SIDT1: variants seen among roughly 807,000 people sequenced by gnomAD.
The protein encoded by SIDT1 is SID1 transmembrane family, member 1.
In SIDT1, 101 loss-of-function variants were observed where a neutral mutation model predicts 107.5. That is an observed-to-expected ratio of 0.94 (90% CI 0.80 to 1.11). The LOEUF is 1.11. Ranked by LOEUF, SIDT1 falls within the 50% of genes least tolerant of loss-of-function variation. The probability of loss-of-function intolerance (pLI) is 0.00; values close to 1 mark genes in which losing one functional copy is unlikely to be tolerated. For missense variants in SIDT1, 1,076 were observed against 1,058.2 expected, an observed-to-expected ratio of 1.02 and a Z score of -0.23; for synonymous variants, 395 against 398.2, an observed-to-expected ratio of 0.99 and a Z score of 0.10.
At chr3:113,619,153 C>T (rs1324031934) in intron 20 of SIDT1, among the ~76,000 whole-genome samples, 1 of 152,114 alleles carries the variant, frequency 6.6e-6, no homozygotes, top group East Asian at 1.9e-4. Flanking sequence ...ACCTTTTCTC[C>T]CTATTTTCTC....
rs906835953 is a variant in SIDT1, at chr3:113,584,911, C to T, written c.907+142C>T. 1.5e-5 allele frequency: 10 copies of T among 682,660 alleles called. No individual in the cohort carries two copies. In the Admixed American group the frequency reaches 3.2e-4, roughly 22 times the overall value. 42.3% of individuals were successfully genotyped at this position (682,660 alleles called of 1,614,324 possible). On this transcript the variant is annotated intron_variant, in intron 8 of 24. Transcript: ENST00000264852. ...TTACCTTAGAAATAGAAAAGGGAGT[C>T]AGAGCATTTTGTTAAATCCCTCCTA... is the stretch of plus-strand genomic sequence containing the variant.
intron 1 of SIDT1, 110 bp from the exon 2 acceptor site, chr3:113,566,310 C>A: frequency 1.8e-6 from 2 of 1,108,898 alleles, no homozygotes; most frequent in South Asian, 1.6e-5. Context: ...CCTCACATGG[C>A]AACTATGGTG....
chr3:113,595,237 CG>C (rs1944457555), intron 10 of SIDT1, among the ~76,000 whole-genome samples: 1 of 152,020 alleles, frequency 6.6e-6, no homozygotes, highest in African/African-American at 2.4e-5. Context: ...CCTTCACTTC[CG>C]TGCACTAGAT....
intron 10 of SIDT1, chr3:113,595,058 T>C (rs1186174697): frequency 6.5e-6 from 1 of 154,112 alleles, no homozygotes; most frequent in Non-Finnish European, 1.5e-5. Flanking sequence ...AACCAGTCAC[T>C]GCAAAGAACA....
At chr3:113,533,584 C>T (rs1044137635) in intron 1 of SIDT1, among the ~76,000 whole-genome samples, 1 of 152,158 alleles carries the variant, frequency 6.6e-6, no homozygotes, top group African/African-American at 2.4e-5. Context: ...GTGTGGAGTG[C>T]GAAGAAGAAC....
In SIDT1 at chr3:113,532,994, G is replaced by T. The variant is rs1393905241; in HGVS notation, c.-28G>T. The stretch of plus-strand genomic sequence containing the variant: ...CTCGCCCCCTCCCCAGGGTGGCTCC[G>T]CTTTCGAGCCCGGGCGCGGTGCCCA... On this transcript the variant is annotated 5_prime_UTR_variant, in exon 1 of 25. Transcript: ENST00000264852. 1 of 1,334,582 alleles carries T rather than the reference G, an allele frequency of 7.5e-7. No homozygotes were observed. Among genetic ancestry groups the T allele is most frequent in the Non-Finnish European group, 9.6e-7 (1 of 1,045,666 alleles). The allele number at this position is 1,334,582 out of a possible 1,614,324, so 82.7% of individuals were successfully genotyped here.
At position 113,628,783 on chromosome 3, in the gene SIDT1, G is replaced by C. The variant is rs952572378; in HGVS notation, c.*1075G>C. The C allele has an allele frequency of 6.6e-6, 1 of 152,258 alleles. No individual in the cohort carries two copies. The highest frequency in any genetic ancestry group is 6.5e-5 in the Admixed American group (1 of 15,288). 9.4% of individuals were successfully genotyped at this position (152,258 alleles called of 1,614,324 possible). ...TCACTTTATGTAGATCAGGGTTCTA[G>C]ACTTCTTCCCTGAGGTTCTCAGAAG... On this transcript the variant is annotated 3_prime_UTR_variant, in exon 25 of 25. Coordinates refer to ENST00000264852, the MANE Select transcript of SIDT1 (RefSeq NM_017699.3).
Position 113,607,151 on chromosome 3 carries a change from G to A in SIDT1, c.1478+37G>A, listed in dbSNP as rs757699586. On this transcript the variant is annotated intron_variant, in intron 15 of 24. Transcript: ENST00000264852. ...CCTCTGGTTGCCCATGAGGCATTTA[G>A]AGATGCCTTTCTGTCTAATGTTGTG... 19 of 1,308,058 alleles carry A rather than the reference G, an allele frequency of 1.5e-5. 1 individual carries two copies. The Admixed American group carries it at 2.8e-4, about 19-fold the overall frequency. The allele number at this position is 1,308,058 out of a possible 1,614,324, so 81.0% of individuals were successfully genotyped here.
intron 21 of SIDT1, among the ~76,000 whole-genome samples, chr3:113,623,172 G>A (rs900569247): frequency 8.3e-6 from 1 of 121,088 alleles, no homozygotes; most frequent in East Asian, 2.4e-4. Flanking sequence ...GCCTGAGTGA[G>A]GGAATGAGAC....
intron 1 of SIDT1, among the ~76,000 whole-genome samples, chr3:113,553,644 G>T (rs142812489): frequency 1.3e-5 from 2 of 152,348 alleles, no homozygotes; most frequent in African/African-American, 4.8e-5. Flanking sequence ...CACAGAAGAT[G>T]AGCACATTCA....
chr3:113,550,429 G>A (rs534544438), intron 1 of SIDT1, among the ~76,000 whole-genome samples: 11 of 152,282 alleles, frequency 7.2e-5, no homozygotes, highest in East Asian at 5.8e-4. Context: ...TTTTTCTATA[G>A]AGTTCCAGTG....
At chr3:113,558,878 A>G (rs546984070) in intron 1 of SIDT1, among the ~76,000 whole-genome samples, 3 of 152,226 alleles carry the variant, frequency 2.0e-5, no homozygotes, top group Non-Finnish European at 4.4e-5. Flanking sequence ...TTTACTGAAG[A>G]TGTACAAATA....
At chr3:113,614,921 G>A (rs2107753633) in intron 19 of SIDT1, 1 of 773,916 alleles carries the variant, frequency 1.3e-6, no homozygotes, top group Admixed American at 2.3e-5. Context: ...TGACAAGTAA[G>A]CATTACTTTT....
chr3:113,611,213 A>G (rs1945714430), intron 18 of SIDT1, 69 bp downstream of exon 18: 1 of 1,558,618 alleles, frequency 6.4e-7, no homozygotes, highest in African/African-American at 1.4e-5. Flanking sequence ...ACAAACAACA[A>G]TCAAGTGAAC....
In SIDT1 at chr3:113,555,463, A is replaced by G. The variant is rs575816232; in HGVS notation, c.223-10957A>G. On this transcript the variant is annotated intron_variant, in intron 1 of 24. Coordinates refer to ENST00000264852, the MANE Select transcript of SIDT1 (RefSeq NM_017699.3). ...TTATTGATTGAACAAAGTTCATCAT[A>G]AAGTAGCTAGAATCTGACTGTGCAT... Among the ~76,000 whole-genome samples, 8 of 152,364 alleles carry G rather than the reference A, an allele frequency of 5.3e-5. 1 individual carries two copies. Among genetic ancestry groups the G allele is most frequent in the Admixed American group, 5.2e-4 (8 of 15,310 alleles).
chr3:113,632,070 A>G (rs1947098816), downstream of SIDT1, among the ~76,000 whole-genome samples: 1 of 151,790 alleles, frequency 6.6e-6, no homozygotes. Context: ...CTTTTTTTTT[A>G]ATATAAAAGA....
intron 1 of SIDT1, among the ~76,000 whole-genome samples, chr3:113,563,292 A>G (rs1941600142): frequency 6.6e-6 from 1 of 152,358 alleles, no homozygotes; most frequent in Non-Finnish European, 1.5e-5. Flanking sequence ...CAAAATTGCA[A>G]TCACTCCTTA....
intron 3 of SIDT1, among the ~76,000 whole-genome samples, chr3:113,573,740 A>T (rs534478536): frequency 6.6e-6 from 1 of 152,322 alleles, no homozygotes; most frequent in East Asian, 1.9e-4. Flanking sequence ...TGCAGTGAGA[A>T]GGCACCATCT....
chr3:113,572,316 G>A (rs1193576650), intron 3 of SIDT1, among the ~76,000 whole-genome samples: 1 of 152,236 alleles, frequency 6.6e-6, no homozygotes, highest in Non-Finnish European at 1.5e-5. Flanking sequence ...CTGAGTTACA[G>A]TTAGGCAGAC....
Sources: gnomAD v4.1 joint callset for allele counts (sites outside exome capture counted in the v4.1 genomes callset) on GRCh38, gnomAD v4.1.1 for gene constraint, MANE v1.5 for transcripts, NCBI Gene and HGNC (gene_info 2026-07-23, HGNC 2026-07-21) for gene names.